Variants in CCDC171 observed in about 807,000 individuals in gnomAD.
The protein encoded by CCDC171 is coiled-coil domain-containing protein 171.
A neutral mutation model predicts 168.2 loss-of-function variants in CCDC171; 177 were observed. The ratio of observed to expected loss-of-function variants is 1.05; its 90% confidence interval spans 0.93 to 1.19. The LOEUF (loss-of-function observed/expected upper bound fraction) is 1.19, where lower values mean the gene tolerates loss of function less well. Among genes scored for constraint, CCDC171 ranks in the 50% most tolerant of loss-of-function variants. The pLI is 0.00. For synonymous variants in CCDC171, 687 were observed against 540.8 expected, an observed-to-expected ratio of 1.27 and a Z score of -3.75; for missense variants, 1,991 against 1,539.0, an observed-to-expected ratio of 1.29 and a Z score of -4.91.
chr9:16,092,837 C>T, the CCDC171 span, among the ~76,000 whole-genome samples: 2 of 152,174 alleles, frequency 1.3e-5, no homozygotes, highest in African/African-American at 4.8e-5. Context: ...GACCTGTGTC[C>T]CCAGGGGTGG....
the CCDC171 span, among the ~76,000 whole-genome samples, chr9:16,083,215 A>C: frequency 2.0e-5 from 3 of 152,202 alleles, no homozygotes; most frequent in Non-Finnish European, 2.9e-5. Flanking sequence ...AGACATTTCC[A>C]CACTCTTAAC....
At chr9:16,035,173 T>C (rs1833441137) in intron 6 of CCDC171, among the ~76,000 whole-genome samples, 1 of 152,210 alleles carries the variant, frequency 6.6e-6, no homozygotes, top group Non-Finnish European at 1.5e-5. Context: ...GATATCTGTT[T>C]ATAACAGCAT....
chr9:15,562,418 C>A (rs563118845), intron 1 of CCDC171, among the ~76,000 whole-genome samples: 1 of 152,128 alleles, frequency 6.6e-6, no homozygotes, highest in Non-Finnish European at 1.5e-5. Context: ...GGTTATATAT[C>A]AGTGAGCTAG....
intron 25 of CCDC171, among the ~76,000 whole-genome samples, chr9:15,965,946 C>G (rs1002445566): frequency 6.6e-6 from 1 of 152,192 alleles, no homozygotes; most frequent in Non-Finnish European, 1.5e-5. Flanking sequence ...TGTGAAATAA[C>G]AAAATAACAA....
At chr9:15,598,099 C>G (rs1318799631) in intron 6 of CCDC171, among the ~76,000 whole-genome samples, 7 of 152,040 alleles carry the variant, frequency 4.6e-5, no homozygotes, top group South Asian at 4.2e-4. Context: ...CAAAAAACCA[C>G]CTCCTGGATT....
chr9:15,755,224 C>T (rs2056025275), intron 18 of CCDC171, among the ~76,000 whole-genome samples: 1 of 152,098 alleles, frequency 6.6e-6, no homozygotes, highest in South Asian at 2.1e-4. Context: ...GTTTGTGCCT[C>T]TTAGTTTTAA....
the CCDC171 span, among the ~76,000 whole-genome samples, chr9:16,096,925 G>A: frequency 6.6e-6 from 1 of 152,170 alleles, no homozygotes; most frequent in Non-Finnish European, 1.5e-5. Context: ...GGTACAATTA[G>A]CACTGATGAA....
intron 10 of CCDC171, among the ~76,000 whole-genome samples, chr9:15,679,793 C>T (rs1458374044): frequency 1.3e-5 from 2 of 152,176 alleles, no homozygotes; most frequent in African/African-American, 4.8e-5. Flanking sequence ...AAGTGGTCCT[C>T]CTGTCTTGGC....
intron 25 of CCDC171, among the ~76,000 whole-genome samples, chr9:15,920,959 C>T (rs1046912589): frequency 7.7e-6 from 1 of 129,494 alleles, no homozygotes; most frequent in Admixed American, 8.0e-5. Context: ...GCTCACTTAA[C>T]ACTAAAAAAA....
In CCDC171 at chr9:15,911,515, T is replaced by G. The variant is rs530778838; in HGVS notation, c.3601-8755T>G. 5.0e-4 allele frequency among the ~76,000 whole-genome samples: 76 copies of G among 152,332 alleles called. 1 individual carries two copies. Among genetic ancestry groups the G allele is most frequent in the African/African-American group, 1.8e-3 (74 of 41,578 alleles). On this transcript the variant is annotated intron_variant, in intron 24 of 25. Coordinates refer to ENST00000380701, the MANE Select transcript of CCDC171 (RefSeq NM_173550.4). ...GTAGGTTGCCTGTTCACTCTGATGATAGTTTCTTTTGGTGTGCAGAAGCTC... is the reference window on the plus strand; with the variant it reads ...GTAGGTTGCCTGTTCACTCTGATGAGAGTTTCTTTTGGTGTGCAGAAGCTC...
At chr9:15,990,095 T>A (rs896035019) in intron 3 of CCDC171, among the ~76,000 whole-genome samples, 5 of 151,934 alleles carry the variant, frequency 3.3e-5, no homozygotes, top group Admixed American at 1.3e-4. Context: ...AAGATACTCC[T>A]CAAGAAGAGC....
chr9:15,895,449 C>T, intron 24 of CCDC171, among the ~76,000 whole-genome samples: 1 of 152,082 alleles, frequency 6.6e-6, no homozygotes, highest in East Asian at 1.9e-4. Context: ...GATTTTGACA[C>T]TTGAGCAGAG....
chr9:16,064,078 C>T (rs531854082), downstream of CCDC171, among the ~76,000 whole-genome samples: 2 of 152,216 alleles, frequency 1.3e-5, no homozygotes, highest in Non-Finnish European at 2.9e-5. Flanking sequence ...CCTCATGACT[C>T]GATGAGCAAT....
At chr9:15,579,566 A>G (rs926251625) in intron 4 of CCDC171, among the ~76,000 whole-genome samples, 3 of 152,230 alleles carry the variant, frequency 2.0e-5, no homozygotes, top group African/African-American at 7.2e-5. Context: ...CATATAATAT[A>G]TAAAAATAAA....
the CCDC171 span, among the ~76,000 whole-genome samples, chr9:16,081,739 G>A: frequency 6.6e-6 from 1 of 151,956 alleles, no homozygotes; most frequent in Non-Finnish European, 1.5e-5. Flanking sequence ...GAATCCTGTG[G>A]TCTTGCCAGG....
intron 21 of CCDC171, among the ~76,000 whole-genome samples, chr9:15,800,467 T>C (rs1200623203): frequency 1.3e-5 from 2 of 152,140 alleles, no homozygotes; most frequent in Non-Finnish European, 2.9e-5. Flanking sequence ...TATTAGATTT[T>C]TTTCCTATAG....
In CCDC171 at chr9:15,569,608, G is replaced by T. The variant is rs568000903; in HGVS notation, c.42-2016G>T. On this transcript the variant is annotated intron_variant, in intron 2 of 25. Transcript: ENST00000380701. The stretch of plus-strand genomic sequence containing the variant: ...AGGCGGGCGGATCACGAGGTCAGGA[G>T]ATCGAGACCATCCTGGCTAACACGG... Among the ~76,000 whole-genome samples the T allele has an allele frequency of 1.9e-3, 294 of 152,022 alleles. 7 individuals are homozygous for T. Among genetic ancestry groups the T allele is most frequent in the Non-Finnish European group, 1.3e-4 (9 of 67,952 alleles).
the CCDC171 span, among the ~76,000 whole-genome samples, chr9:16,106,206 A>G: frequency 6.6e-6 from 1 of 152,210 alleles, no homozygotes. Flanking sequence ...AGGGGCCAGA[A>G]AGGCTCCATG....
intron 24 of CCDC171, among the ~76,000 whole-genome samples, chr9:15,892,573 A>G (rs563237398): frequency 1.3e-3 from 191 of 152,170 alleles, no homozygotes; most frequent in Non-Finnish European, 2.0e-3. Flanking sequence ...TCTCAGACCA[A>G]ACCTTCTTAA....
Sources: allele counts gnomAD v4.1 joint callset (sites outside exome capture counted in the v4.1 genomes callset), GRCh38; gene constraint gnomAD v4.1.1; transcripts MANE v1.5; gene names NCBI Gene and HGNC (gene_info 2026-07-23, HGNC 2026-07-21).